The following SPATA6 variants were observed in gnomAD, a reference collection of about 807,000 sequenced individuals.
SPATA6 encodes the protein spermatogenesis-associated protein 6.
SPATA6 carries 56 observed loss-of-function variants against 65.3 expected under a neutral mutation model. The ratio of observed to expected loss-of-function variants is 0.86; its 90% CI spans 0.69 to 1.07. The LOEUF (loss-of-function observed/expected upper bound fraction) is 1.07. Among genes scored for constraint, SPATA6 ranks in the 50% least tolerant of loss-of-function variants. The pLI is 0.00. For synonymous variants in SPATA6, 199 were observed against 213.2 expected, an observed-to-expected ratio of 0.93 and a Z score of 0.58; for missense variants, 590 against 594.8, an observed-to-expected ratio of 0.99 and a Z score of 0.08.
chr1:48,309,894 T>G (rs1405877463), intron 11 of SPATA6, among the ~76,000 whole-genome samples: 1 of 152,198 alleles, frequency 6.6e-6, no homozygotes, highest in Admixed American at 6.5e-5. Flanking sequence ...AGAGTACACT[T>G]TCAACACTTA....
At chr1:48,375,601 G>C (rs912932900) in intron 9 of SPATA6, among the ~76,000 whole-genome samples, 2 of 151,952 alleles carry the variant, frequency 1.3e-5, no homozygotes, top group African/African-American at 2.4e-5. Flanking sequence ...CATGTTTCTA[G>C]AATTGCAAAT....
chr1:48,376,153 T>G (rs1418672321), intron 9 of SPATA6, among the ~76,000 whole-genome samples: 2 of 152,182 alleles, frequency 1.3e-5, no homozygotes, highest in Non-Finnish European at 2.9e-5. Flanking sequence ...CCTCTATCCT[T>G]CCTCTTGCCT....
intron 1 of SPATA6, among the ~76,000 whole-genome samples, chr1:48,454,516 T>C (rs1221183658): frequency 6.6e-6 from 1 of 152,202 alleles, no homozygotes; most frequent in Non-Finnish European, 1.5e-5. Flanking sequence ...TATTATGAAC[T>C]TACTATATGC....
chr1:48,286,063 G>T, the SPATA6 span, among the ~76,000 whole-genome samples: 3 of 152,228 alleles, frequency 2.0e-5, no homozygotes, highest in Admixed American at 2.0e-4. Context: ...ACACTGTTTT[G>T]TTTATTATAG....
chr1:48,328,633 A>G (rs1306588945), intron 11 of SPATA6, among the ~76,000 whole-genome samples: 1 of 152,162 alleles, frequency 6.6e-6, no homozygotes, highest in Non-Finnish European at 1.5e-5. Flanking sequence ...TTCACTCCCA[A>G]TGGTTACAAA....
At chr1:48,333,875 A>G (rs1002517368) in intron 11 of SPATA6, among the ~76,000 whole-genome samples, 4 of 152,154 alleles carry the variant, frequency 2.6e-5, no homozygotes, top group South Asian at 2.1e-4. Flanking sequence ...GAAAAAATTA[A>G]TAAGATAGTC....
intron 3 of SPATA6, chr1:48,436,017 C>T: frequency 6.2e-7 from 1 of 1,608,420 alleles, no homozygotes; most frequent in Non-Finnish European, 8.5e-7. Context: ...ATGAATCACT[C>T]AGACCTGAAA....
At chr1:48,452,429 G>C (rs1241907964) in intron 2 of SPATA6, among the ~76,000 whole-genome samples, 1 of 150,650 alleles carries the variant, frequency 6.6e-6, no homozygotes, top group Non-Finnish European at 1.5e-5. Context: ...TGTCACCCAG[G>C]CTGGAGTGCA....
chr1:48,443,668 T>A (rs1026441374), intron 3 of SPATA6, among the ~76,000 whole-genome samples: 1 of 152,182 alleles, frequency 6.6e-6, no homozygotes, highest in Non-Finnish European at 1.5e-5. Context: ...AGGGATAGTA[T>A]GAGATGCCAC....
chr1:48,455,102 C>A (rs536051129), intron 1 of SPATA6, among the ~76,000 whole-genome samples: 3 of 152,118 alleles, frequency 2.0e-5, no homozygotes, highest in Non-Finnish European at 4.4e-5. Flanking sequence ...CCATAAGGTT[C>A]ATTTCTTGCT....
chr1:48,281,371 T>C, the SPATA6 span, among the ~76,000 whole-genome samples: 1,945 of 151,758 alleles, frequency 0.013, 19 homozygotes, highest in Middle Eastern at 0.027. Context: ...GGGTATTCAA[T>C]TAGGAAAAGA....
rs771289740 is a variant in SPATA6, at chr1:48,385,303, A to G, written c.909+6T>C. The G allele has an allele frequency of 2.4e-5, 38 of 1,603,194 alleles. No individual in the cohort carries two copies. Among genetic ancestry groups the G allele is most frequent in the Non-Finnish European group, 2.9e-5 (34 of 1,176,058 alleles). Reference sequence around the variant, plus strand: ...CAATTATTATTCTACAATTCATTCTACACACCTTATAATCCTTGGGTCGGC... The same window carrying G: ...CAATTATTATTCTACAATTCATTCTGCACACCTTATAATCCTTGGGTCGGC... On this transcript the variant is annotated splice_donor_region_variant and intron_variant, in intron 9 of 12. Coordinates refer to ENST00000371847, the MANE Select transcript of SPATA6 (RefSeq NM_019073.4).
chr1:48,382,629 AC>A (rs1158594255), intron 9 of SPATA6, among the ~76,000 whole-genome samples: 824 of 4,778 alleles, frequency 0.17, 2 homozygotes, highest in African/African-American at 0.25. Context: ...CGGCTGGCCG[AC>A]CCCCCCCCCC....
At chr1:48,292,463 G>A (rs1374731955), downstream of SPATA6, among the ~76,000 whole-genome samples, 4 of 152,246 alleles carry the variant, frequency 2.6e-5, no homozygotes, top group East Asian at 1.9e-4. Context: ...AAGTGCACCT[G>A]CATAGATAAT....
the SPATA6 span, among the ~76,000 whole-genome samples, chr1:48,272,901 C>T: frequency 2.0e-5 from 3 of 152,192 alleles, no homozygotes; most frequent in African/African-American, 4.8e-5. Context: ...AGCAACTTTT[C>T]GTATTCCTGT....
chr1:48,306,362 C>G (rs1189196496), intron 11 of SPATA6, among the ~76,000 whole-genome samples: 2 of 151,708 alleles, frequency 1.3e-5, no homozygotes, highest in African/African-American at 2.4e-5. Flanking sequence ...AAATAACAAG[C>G]CAGAAAAGGC....
In SPATA6 at chr1:48,472,180, G is replaced by A. The variant is rs374916469; in HGVS notation, c.-172C>T. 2.5e-5 allele frequency: 14 copies of A among 549,936 alleles called. No homozygotes were observed. In the East Asian group the frequency reaches 2.8e-4, roughly 11 times the overall value. 34.1% of individuals were successfully genotyped at this position (549,936 alleles called of 1,614,324 possible). A position where few individuals can be genotyped will look rare whatever the true frequency, so the allele number is the denominator to read the frequency against. ...TGGGTTCCGCCGGAGAAGCAGCTGAGCGCGGGGCGCAGACTCGTTGTCATG... is the reference window on the plus strand; with the variant it reads ...TGGGTTCCGCCGGAGAAGCAGCTGAACGCGGGGCGCAGACTCGTTGTCATG... On this transcript the variant is annotated 5_prime_UTR_variant, in exon 1 of 13. Transcript: ENST00000371847.
chr1:48,319,347 T>C (rs1417783722), intron 11 of SPATA6, among the ~76,000 whole-genome samples: 2 of 152,148 alleles, frequency 1.3e-5, no homozygotes, highest in Non-Finnish European at 2.9e-5. Context: ...AGAATATATT[T>C]GCAAACCTTA....
chr1:48,306,941 T>C (rs1000752093), intron 11 of SPATA6, among the ~76,000 whole-genome samples: 2 of 151,926 alleles, frequency 1.3e-5, no homozygotes, highest in African/African-American at 4.8e-5. Context: ...CTACTATTCA[T>C]ATAGATACAA....
Sources: allele counts gnomAD v4.1 joint callset (sites outside exome capture counted in the v4.1 genomes callset), GRCh38; gene constraint gnomAD v4.1.1; transcripts MANE v1.5; gene names NCBI Gene and HGNC (gene_info 2026-07-23, HGNC 2026-07-21).